OVOL2: variants seen among roughly 807,000 people sequenced by gnomAD.
OVOL2 encodes the protein ovo like zinc finger 2.
A neutral mutation model predicts 18.1 loss-of-function variants in OVOL2; 13 were observed. The ratio of observed to expected loss-of-function variants is 0.72; its 90% CI spans 0.47 to 1.14. The LOEUF is 1.14. Ranked by LOEUF, OVOL2 falls within the 50% of genes most tolerant of loss-of-function variation. The pLI is 0.00. For missense variants in OVOL2, 335 were observed against 383.0 expected (o/e 0.87, Z 1.05); for synonymous variants, 166 against 162.7 (o/e 1.02, Z -0.16).
intron 2 of OVOL2, among the ~76,000 whole-genome samples, chr20:18,045,941 A>G (rs552788061): frequency 2.8e-4 from 43 of 152,282 alleles, no homozygotes; most frequent in African/African-American, 1.0e-3. Context: ...ATTTCTCCCC[A>G]TTTCACAGCA....
At chr20:18,042,609 T>G (rs567769737) in intron 2 of OVOL2, among the ~76,000 whole-genome samples, 68 of 151,898 alleles carry the variant, frequency 4.5e-4, no homozygotes, top group African/African-American at 1.6e-3. Flanking sequence ...AAATCCCATC[T>G]CTACTAAAAA....
chr20:18,028,726 G>C (rs1461355713), intron 3 of OVOL2, among the ~76,000 whole-genome samples: 3 of 152,062 alleles, frequency 2.0e-5, no homozygotes, highest in African/African-American at 7.2e-5. Flanking sequence ...CCAGCAGGCA[G>C]AGGTTGCAGT....
At chr20:18,025,851 G>A (rs2036509150) in intron 3 of OVOL2, among the ~76,000 whole-genome samples, 1 of 152,214 alleles carries the variant, frequency 6.6e-6, no homozygotes, top group Admixed American at 6.5e-5. Flanking sequence ...CTGCTCCTGG[G>A]TGGTTTTGAT....
intron 2 of OVOL2, among the ~76,000 whole-genome samples, 180 bp from the exon 3 acceptor site, chr20:18,041,903 C>G (rs1315832450): frequency 1.6e-5 from 2 of 128,092 alleles, no homozygotes; most frequent in Non-Finnish European, 1.7e-5. Flanking sequence ...TCCTCCCACC[C>G]TTTTTTTTTT....
rs1236439774 is a variant in OVOL2 at position 18,024,364 on chromosome 20, C to T, written c.*272G>A. On this transcript the variant is annotated 3_prime_UTR_variant, in exon 4 of 4. Transcript: ENST00000278780. ...GAAAATCCTTGGGGGAAAAAAAAAT[C>T]CCACACGGTGTTCTTGGCCATCAGG... 9 of 439,312 alleles carry T rather than the reference C, an allele frequency of 2.0e-5. No individual in the cohort carries two copies. Among genetic ancestry groups the T allele is most frequent in the Non-Finnish European group, 3.3e-5 (9 of 270,638 alleles). The allele number at this position is 439,312 out of a possible 1,614,324, so 27.2% of individuals were successfully genotyped here.
At chr20:18,024,984 T>C (rs1224673730) in intron 3 of OVOL2, 32 bp from the exon 4 acceptor site, 1 of 1,587,468 alleles carries the variant, frequency 6.3e-7, no homozygotes, top group East Asian at 2.2e-5. Flanking sequence ...ACAGCATCGG[T>C]TGGTCATGGC....
intron 3 of OVOL2, among the ~76,000 whole-genome samples, chr20:18,025,314 T>C (rs1157258514): frequency 6.6e-6 from 1 of 152,180 alleles, no homozygotes; most frequent in African/African-American, 2.4e-5. Context: ...ACGCCTGTAA[T>C]CCCAGCACTT....
Position 18,056,835 on chromosome 20 carries a change from C to T in OVOL2, c.143G>A (p.Arg48His). ...GCCGCTGCTGCTGCCGCCGTCGCTGCGGCAGTCCTCGGGGGGGTCGTGGAG... is the reference window on the plus strand; with the variant it reads ...GCCGCTGCTGCTGCCGCCGTCGCTGTGGCAGTCCTCGGGGGGGTCGTGGAG... ...RLLHDPPEDCRSDGGSSSGSG... is the reference protein window; with the variant it reads ...RLLHDPPEDCHSDGGSSSGSG... The change falls in exon 2 of 4, where the codon CGC (arginine) becomes CAC (histidine). Residue 48 changes from arginine to histidine, a missense_variant. Transcript: ENST00000278780. The surrounding 1 kb of genome is among the most constrained non-coding windows in gnomAD (Gnocchi z 4.2). 6.7e-7 allele frequency: 1 copy of T among 1,489,350 alleles called. No individual in the cohort carries two copies. Among genetic ancestry groups the T allele is most frequent in the Admixed American group, 2.2e-5 (1 of 44,482 alleles). 92.3% of individuals were successfully genotyped at this position (1,489,350 alleles called of 1,614,324 possible). A position where few individuals can be genotyped will look rare whatever the true frequency, so the allele number is the denominator to read the frequency against.
intron 2 of OVOL2, among the ~76,000 whole-genome samples, chr20:18,048,682 G>A (rs971551653): frequency 6.6e-6 from 1 of 152,158 alleles, no homozygotes; most frequent in Non-Finnish European, 1.5e-5. Flanking sequence ...ATTCCAGCCC[G>A]AGTGACAGAG....
Position 18,041,613 on chromosome 20 carries a change from C to T in OVOL2, c.432G>A (p.Val144=). 2 of 1,614,230 alleles carry T rather than the reference C, an allele frequency of 1.2e-6. No homozygotes were observed. Among genetic ancestry groups the T allele is most frequent in the South Asian group, 2.2e-5 (2 of 91,080 alleles). ...LNRHLKCHNQ[V]KRHLCTFCGK... is the part of the protein sequence containing the mutation. ...CGCAGAAGGTGCACAGGTGTCTTTT[C>T]ACCTGGTTGTGGCACTTGAGGTGAC... is the stretch of plus-strand genomic sequence containing the variant. Residue 144 remains valine, a synonymous_variant, in exon 3 of 4, where the codon GTG becomes GTA. Transcript: ENST00000278780.
At chr20:18,048,638 C>T (rs962047204) in intron 2 of OVOL2, among the ~76,000 whole-genome samples, 5 of 151,520 alleles carry the variant, frequency 3.3e-5, no homozygotes, top group African/African-American at 9.7e-5. Context: ...AGGTGGGGGG[C>T]GGCGGTTACA....
intron 3 of OVOL2, among the ~76,000 whole-genome samples, chr20:18,037,504 C>T (rs937956579): frequency 1.3e-5 from 2 of 152,226 alleles, no homozygotes; most frequent in Non-Finnish European, 2.9e-5. Context: ...TAGTCTCTGC[C>T]GAGCCACCCT....
intron 3 of OVOL2, among the ~76,000 whole-genome samples, chr20:18,027,689 G>A (rs1568630911): frequency 1.3e-5 from 2 of 151,640 alleles, no homozygotes; most frequent in Non-Finnish European, 2.9e-5. Flanking sequence ...TCCGCCTCCT[G>A]GGTTCACATC....
In OVOL2 at chr20:18,041,706, G is replaced by A. The variant is rs764640124; in HGVS notation, c.339C>T (p.Cys113=). 1.2e-6 allele frequency: 2 copies of A among 1,613,012 alleles called. No homozygotes were observed. The highest frequency in any genetic ancestry group is 2.2e-5 in the South Asian group (2 of 91,016). ...RSKIKFTTGT[C]SDSVVHSCDL... ...CACAGCTGTGAACCACCGAGTCGCT[G>A]CACGTGCCTGTGGTGAACTGGGGGC... is the stretch of plus-strand genomic sequence containing the variant. The change falls in exon 3 of 4, where the codon TGC becomes TGT. Residue 113 remains cysteine (C), a synonymous_variant. Transcript: ENST00000278780.
At chr20:18,058,240 G>C (rs761432654), upstream of OVOL2, among the ~76,000 whole-genome samples, 1 of 151,866 alleles carries the variant, frequency 6.6e-6, no homozygotes, top group Non-Finnish European at 1.5e-5. Flanking sequence ...TGTCTTCGAC[G>C]AGCCAGAAAA....
chr20:18,031,408 C>T (rs1600435543), intron 3 of OVOL2, among the ~76,000 whole-genome samples: 4 of 152,126 alleles, frequency 2.6e-5, no homozygotes, highest in Admixed American at 2.6e-4. Context: ...CCCACCTCTA[C>T]TAAAAAATAC....
At chr20:18,043,428 C>A (rs1454756530) in intron 2 of OVOL2, among the ~76,000 whole-genome samples, 1 of 152,194 alleles carries the variant, frequency 6.6e-6, no homozygotes, top group Non-Finnish European at 1.5e-5. Flanking sequence ...CATAAGAAGT[C>A]TGAGGCTACC....
In OVOL2 at chr20:18,026,583, A is replaced by G. The variant is rs559962731; in HGVS notation, c.512-1631T>C. Among the ~76,000 whole-genome samples, 728 of 152,116 alleles carry G rather than the reference A, an allele frequency of 4.8e-3. 4 individuals carry two copies. Among genetic ancestry groups the G allele is most frequent in the Non-Finnish European group, 6.8e-3 (464 of 68,004 alleles). ...TCTTTAGTAGAGACGGGGTTTCACC[A>G]TGTTAGCCAGAATGGTCTCGATCTC... On this transcript the variant is annotated intron_variant, in intron 3 of 3. Coordinates refer to ENST00000278780, the MANE Select transcript of OVOL2 (RefSeq NM_021220.4).
At chr20:18,038,638 C>A (rs1193216092) in intron 3 of OVOL2, among the ~76,000 whole-genome samples, 1 of 152,190 alleles carries the variant, frequency 6.6e-6, no homozygotes, top group Non-Finnish European at 1.5e-5. Context: ...GCTAGCCATG[C>A]TTCCTGGGCC....
Sources: allele counts gnomAD v4.1 joint callset (sites outside exome capture counted in the v4.1 genomes callset), GRCh38; gene constraint gnomAD v4.1.1; non-coding constraint Gnocchi (gnomAD v3.1); transcripts MANE v1.5; gene names NCBI Gene and HGNC (gene_info 2026-07-23, HGNC 2026-07-21).